The following CCDC18 variants were observed in gnomAD, a reference collection of about 807,000 sequenced individuals.
CCDC18 encodes coiled-coil domain-containing protein 18.
CCDC18 carries 157 observed loss-of-function variants against 196.0 expected under a neutral mutation model. The ratio of observed to expected loss-of-function variants is 0.80; its 90% CI spans 0.70 to 0.91. The LOEUF is 0.91. Among genes scored for constraint, CCDC18 ranks in the 40% least tolerant of loss-of-function variants. The pLI is 0.00. For synonymous variants in CCDC18, 482 were observed against 529.2 expected, an observed-to-expected ratio of 0.91 and a Z score of 1.22; for missense variants, 1,465 against 1,611.6, an observed-to-expected ratio of 0.91 and a Z score of 1.56.
chr1:93,251,122 G>A (rs1367322019), intron 23 of CCDC18, among the ~76,000 whole-genome samples: 1 of 151,964 alleles, frequency 6.6e-6, no homozygotes, highest in East Asian at 1.9e-4. Flanking sequence ...ATCTCTCACA[G>A]GTTTTTGCTT....
intron 14 of CCDC18, among the ~76,000 whole-genome samples, chr1:93,218,382 T>A (rs571320662): frequency 6.6e-6 from 1 of 152,352 alleles, no homozygotes; most frequent in African/African-American, 2.4e-5. Flanking sequence ...ATTTATAAAT[T>A]AGACACAGTA....
rs147006130 is a variant in CCDC18 at position 93,205,730 on chromosome 1, C to A, written c.917+99C>A. 1,011 of 1,119,582 alleles carry A rather than the reference C, an allele frequency of 9.0e-4. 4 individuals are homozygous for A. The African/African-American group carries it at 0.013, about 14-fold the overall frequency. 69.4% of individuals were successfully genotyped at this position (1,119,582 alleles called of 1,614,324 possible). On this transcript the variant is annotated intron_variant, in intron 8 of 28. Coordinates refer to ENST00000690025, the MANE Select transcript of CCDC18 (RefSeq NM_001378204.1). ...TTTTATTGTTGTAATTATAGGCTTA[C>A]ATTATATAGAAGGATAGGCTTCATG...
intron 25 of CCDC18, 110 bp downstream of exon 25, chr1:93,256,648 T>A: frequency 1.2e-6 from 1 of 860,448 alleles, no homozygotes; most frequent in Non-Finnish European, 1.8e-6. Flanking sequence ...TGCACAACAG[T>A]GTGAATGTAC....
At chr1:93,248,249 A>G (rs553251871) in intron 23 of CCDC18, among the ~76,000 whole-genome samples, 15 of 151,976 alleles carry the variant, frequency 9.9e-5, no homozygotes, top group African/African-American at 3.6e-4. Flanking sequence ...TCCTGACCTC[A>G]TGACTTCACA....
chr1:93,220,087 A>G (rs1034303190), intron 14 of CCDC18, among the ~76,000 whole-genome samples: 13 of 152,208 alleles, frequency 8.5e-5, no homozygotes, highest in African/African-American at 3.1e-4. Flanking sequence ...AACTACTTCT[A>G]GACACATCAA....
chr1:93,183,263 T>C (rs1650042317), intron 1 of CCDC18, 97 bp from the exon 2 acceptor site: 1 of 835,590 alleles, frequency 1.2e-6, no homozygotes, highest in Non-Finnish European at 1.7e-6. Context: ...ACATTTAAAA[T>C]AGAAAACTAA....
chr1:93,232,286 A>T, intron 17 of CCDC18, 140 bp from the exon 18 acceptor site: 1 of 530,010 alleles, frequency 1.9e-6, no homozygotes, highest in Non-Finnish European at 3.4e-6. Flanking sequence ...TGTCCTTCCA[A>T]TGACAAACTA....
chr1:93,264,303 C>T (rs948060927), intron 26 of CCDC18, among the ~76,000 whole-genome samples: 4 of 152,142 alleles, frequency 2.6e-5, no homozygotes, highest in Non-Finnish European at 5.9e-5. Flanking sequence ...TGTAACATAG[C>T]TCTAAAAGAT....
At chr1:93,217,901 GAA>G in intron 14 of CCDC18, 32 bp downstream of exon 14, 3 of 1,548,646 alleles carry the variant, frequency 1.9e-6, no homozygotes, top group Non-Finnish European at 2.6e-6. Flanking sequence ...TATGAGTGCT[GAA>G]AAGAAACTTA....
At chr1:93,271,329 C>T (rs1359698205) in intron 28 of CCDC18, 2 of 984,776 alleles carry the variant, frequency 2.0e-6, no homozygotes, top group African/African-American at 3.5e-5. Context: ...AATTTTTCAC[C>T]CTAAAATATT....
intron 1 of CCDC18, among the ~76,000 whole-genome samples, chr1:93,181,825 C>T (rs947188224): frequency 6.6e-6 from 1 of 152,108 alleles, no homozygotes; most frequent in African/African-American, 2.4e-5. Context: ...CCATCTTGGC[C>T]AGGTTGGTCT....
rs185371722 is a variant in CCDC18 at position 93,257,456 on chromosome 1, G to A, written c.3546+918G>A. On this transcript the variant is annotated intron_variant, in intron 25 of 28. Coordinates refer to ENST00000690025, the MANE Select transcript of CCDC18 (RefSeq NM_001378204.1). ...AAAATATTTACATTGGTATACTTGG[G>A]TTAATTATTTAGACTTTAAGAAAAA... is the stretch of plus-strand genomic sequence containing the variant. Among the ~76,000 whole-genome samples the A allele has an allele frequency of 1.7e-4, 26 of 151,314 alleles. No homozygotes were observed. The East Asian group carries it at 3.3e-3, about 19-fold the overall frequency.
intron 28 of CCDC18, among the ~76,000 whole-genome samples, chr1:93,275,024 T>C (rs1468616472): frequency 6.6e-6 from 1 of 152,220 alleles, no homozygotes. Context: ...CTCAGTTGCA[T>C]TACCTGTGGT....
In CCDC18 at chr1:93,206,319, C is replaced by T. The variant is rs188955915; in HGVS notation, c.917+688C>T. On this transcript the variant is annotated intron_variant, in intron 8 of 28. Transcript: ENST00000690025. The stretch of plus-strand genomic sequence containing the variant: ...TTTTTACTAGAGTATTTTTTAGAAT[C>T]GGTTATCGATTGCAAGATATACTTT... Among the ~76,000 whole-genome samples, 152 of 152,130 alleles carry T rather than the reference C, an allele frequency of 1.0e-3. 1 individual carries two copies. The highest frequency in any genetic ancestry group is 3.3e-3 in the African/African-American group (135 of 41,524).
chr1:93,204,899 A>C (rs908425670), intron 7 of CCDC18, among the ~76,000 whole-genome samples: 1 of 152,142 alleles, frequency 6.6e-6, no homozygotes, highest in African/African-American at 2.4e-5. Flanking sequence ...GGTGATCAGT[A>C]AGGGGAGGTA....
intron 7 of CCDC18, among the ~76,000 whole-genome samples, chr1:93,202,451 T>G (rs996148397): frequency 6.6e-6 from 1 of 152,230 alleles, no homozygotes; most frequent in Non-Finnish European, 1.5e-5. Flanking sequence ...TCATTTATTA[T>G]ATTCATTTAT....
rs554306292 is a variant in CCDC18 at position 93,227,356 on chromosome 1, C to T, written c.2292+907C>T. On this transcript the variant is annotated intron_variant, in intron 17 of 28. Coordinates refer to ENST00000690025, the MANE Select transcript of CCDC18 (RefSeq NM_001378204.1). The stretch of plus-strand genomic sequence containing the variant: ...TGTATTTTTTTTTTTTTAGTAGAGA[C>T]GGGGTTTCACCATGTTGCCCAGGCT... 7.4e-5 allele frequency among the ~76,000 whole-genome samples: 11 copies of T among 149,452 alleles called. No homozygotes were observed. The East Asian group carries it at 1.4e-3, about 19-fold the overall frequency.
At chr1:93,269,973 T>C (rs1665077289) in intron 27 of CCDC18, among the ~76,000 whole-genome samples, 1 of 152,214 alleles carries the variant, frequency 6.6e-6, no homozygotes, top group Non-Finnish European at 1.5e-5. Flanking sequence ...GGGGTCTTTT[T>C]GTGTCTATAT....
chr1:93,216,935 C>CTTTTTT lies in CCDC18; in HGVS notation c.1830+201_1830+206dup, dbSNP rs397980840. ...ATATGGCAAGTTATCCAAGTTTTCT[C>CTTTTTT]TTTTTTTTTTTTTTTTTGAGACAGA... On this transcript the variant is annotated intron_variant, in intron 13 of 28. Transcript: ENST00000690025. Among the ~76,000 whole-genome samples the CTTTTTT allele has an allele frequency of 2.0e-4, 26 of 132,766 alleles. 1 individual carries two copies. The highest frequency in any genetic ancestry group is 5.3e-4 in the African/African-American group (18 of 34,098). The allele number at this position is 132,766 out of a possible 152,430, so 87.1% of individuals were successfully genotyped here.
Sources: gnomAD v4.1 joint callset for allele counts (sites outside exome capture counted in the v4.1 genomes callset) on GRCh38, gnomAD v4.1.1 for gene constraint, MANE v1.5 for transcripts, NCBI Gene and HGNC (gene_info 2026-07-23, HGNC 2026-07-21) for gene names.